The following NAA30 variants were observed in gnomAD, a reference collection of about 807,000 sequenced individuals.
NAA30 encodes the protein N-alpha-acetyltransferase 30, NatC catalytic subunit, also known as N-alpha-acetyltransferase 30.
Under a neutral mutation model 31.4 loss-of-function variants are expected in NAA30, and 5 were observed. The ratio of observed to expected loss-of-function variants is 0.16; its 90% CI spans 0.08 to 0.33. NAA30 has a LOEUF of 0.33. Ranked by LOEUF, NAA30 falls within the 10% of genes least tolerant of loss-of-function variation. NAA30 has a pLI of 1.00. For synonymous variants in NAA30, 222 were observed against 207.1 expected, an observed-to-expected ratio of 1.07 and a Z score of -0.62; for missense variants, 428 against 490.8, an observed-to-expected ratio of 0.87 and a Z score of 1.21.
intron 4 of NAA30, among the ~76,000 whole-genome samples, chr14:57,400,927 C>A (rs775069555): frequency 2.7e-5 from 4 of 147,200 alleles, no homozygotes; most frequent in Admixed American, 6.8e-5. Flanking sequence ...AGATGGGAGT[C>A]TTGCTATGTT....
At chr14:57,398,265 C>CT (rs1026934216) in intron 3 of NAA30, among the ~76,000 whole-genome samples, 10 of 152,014 alleles carry the variant, frequency 6.6e-5, no homozygotes, top group Non-Finnish European at 8.8e-5. Flanking sequence ...GTTTTATGGA[C>CT]TAAGTTTGAG....
chr14:57,408,578 C>T (rs187574919), intron 4 of NAA30, among the ~76,000 whole-genome samples: 137 of 152,336 alleles, frequency 9.0e-4, no homozygotes, highest in African/African-American at 3.1e-3. Flanking sequence ...AATGCAGATT[C>T]TTGTGTCCTA....
intron 4 of NAA30, among the ~76,000 whole-genome samples, chr14:57,402,440 G>A (rs1175976477): frequency 1.3e-5 from 2 of 152,208 alleles, no homozygotes; most frequent in African/African-American, 4.8e-5. Context: ...GATCAGTTCT[G>A]TGCTTCCAGC....
rs1436638184 is a variant in NAA30 at position 57,391,641 on chromosome 14, G to T, written c.684G>T (p.Met228Ile). ...CCGAGCTACAAATGCCCGATATCATGAGACTGATCACCAAAGATCTGTCCG... is the reference window on the plus strand; with the variant it reads ...CCGAGCTACAAATGCCCGATATCATTAGACTGATCACCAAAGATCTGTCCG... ...YESELQMPDI[M>I]RLITKDLSEP... The change falls in exon 2 of 5, where the codon ATG becomes ATT. Residue 228 changes from methionine to isoleucine, a missense_variant. By Grantham distance (10) the Met-to-Ile change is conservative. This residue lies in a region of NAA30 where 79 missense variants were observed against 180.3 expected (regional missense o/e 0.44). Transcript: ENST00000556492. This position sits in a 1 kb window ranked among gnomAD's most constrained non-coding sequence, Gnocchi z 4.1. 2.5e-6 allele frequency: 4 copies of T among 1,614,204 alleles called. No individual in the cohort carries two copies. Among genetic ancestry groups the T allele is most frequent in the Non-Finnish European group, 3.4e-6 (4 of 1,180,036 alleles).
intron 3 of NAA30, 125 bp downstream of exon 3, chr14:57,397,000 G>A (rs367703954): frequency 6.1e-5 from 53 of 873,110 alleles, no homozygotes; most frequent in African/African-American, 3.6e-4. Flanking sequence ...AAATTAAGGC[G>A]GGTTTTAATT....
At chr14:57,390,900 C>T in intron 1 of NAA30, 57 bp from the exon 2 acceptor site, 1 of 1,447,164 alleles carries the variant, frequency 6.9e-7, no homozygotes, top group Non-Finnish European at 9.1e-7. Context: ...GCCCCCTGTT[C>T]TCCGCGCTCC....
At position 57,410,031 on chromosome 14, in the gene NAA30, A is replaced by C. The variant is rs2066516663; in HGVS notation, c.*515A>C. On this transcript the variant is annotated 3_prime_UTR_variant, in exon 5 of 5. Coordinates refer to ENST00000556492, the MANE Select transcript of NAA30 (RefSeq NM_001011713.3). ...ACCTCAGTGATTAGTGAATGAAAAA[A>C]ATGTAGGGTGGGTATGTCTTACAAT... is the stretch of plus-strand genomic sequence containing the variant. 1 of 152,612 alleles carries C rather than the reference A, an allele frequency of 6.6e-6. No individual in the cohort carries two copies. The highest frequency in any genetic ancestry group is 2.1e-4 in the South Asian group (1 of 4,826). 9.5% of individuals were successfully genotyped at this position (152,612 alleles called of 1,614,324 possible).
rs1426383610 is a variant in NAA30 at position 57,391,863 on chromosome 14, T to C, written c.771+135T>C. The C allele has an allele frequency of 2.8e-6, 2 of 707,514 alleles. No individual in the cohort carries two copies. The highest frequency in any genetic ancestry group is 4.7e-6 in the Non-Finnish European group (2 of 421,386). 43.8% of individuals were successfully genotyped at this position (707,514 alleles called of 1,614,324 possible). A position where few individuals can be genotyped will look rare whatever the true frequency, so the allele number is the denominator to read the frequency against. On this transcript the variant is annotated intron_variant, in intron 2 of 4. Transcript: ENST00000556492. The surrounding 1 kb of genome is among the most constrained non-coding windows in gnomAD (Gnocchi z 4.1). Reference sequence around the variant, plus strand: ...GTACGTTATATGATGTCAAGTGCTGTACACATTCCTAGTTATTTAATGAAA... The same window carrying C: ...GTACGTTATATGATGTCAAGTGCTGCACACATTCCTAGTTATTTAATGAAA...
At chr14:57,406,648 A>C (rs1467502297) in intron 4 of NAA30, among the ~76,000 whole-genome samples, 1 of 152,182 alleles carries the variant, frequency 6.6e-6, no homozygotes, top group Non-Finnish European at 1.5e-5. Flanking sequence ...TAAAATTGTC[A>C]CTTTTTATTT....
In NAA30 at chr14:57,411,723, A is replaced by T. The variant is rs1426531878; in HGVS notation, c.*2207A>T. ...TATGTTGAATGTCAGTGTATGCCTT[A>T]TGTCTTTAATTGGGTATGCAAAAAA... On this transcript the variant is annotated 3_prime_UTR_variant, in exon 5 of 5. Coordinates refer to ENST00000556492, the MANE Select transcript of NAA30 (RefSeq NM_001011713.3). 1 of 152,150 alleles carries T rather than the reference A, an allele frequency of 6.6e-6. No homozygotes were observed. The highest frequency in any genetic ancestry group is 2.4e-5 in the African/African-American group (1 of 41,444). The allele number at this position is 152,150 out of a possible 1,614,324, so 9.4% of individuals were successfully genotyped here.
chr14:57,391,412 G>C lies in NAA30; in HGVS notation c.455G>C (p.Ser152Thr). ...AGTAATGCAAGAACTGCGGTCCCCAGCCCGGTGGAGGCAGCGGCGGCGAGC... is the reference window on the plus strand; with the variant it reads ...AGTAATGCAAGAACTGCGGTCCCCACCCCGGTGGAGGCAGCGGCGGCGAGC... ...LSSNARTAVP[S>T]PVEAAAASDP... The change falls in exon 2 of 5, where the codon AGC (serine) becomes ACC (threonine). Residue 152 changes from serine (S) to threonine (T), a missense_variant. By Grantham distance (58) the Ser-to-Thr change is moderately conservative. Transcript: ENST00000556492. This position sits in a 1 kb window ranked among gnomAD's most constrained non-coding sequence, Gnocchi z 4.1. 2 of 1,607,466 alleles carry C rather than the reference G, an allele frequency of 1.2e-6. No individual in the cohort carries two copies. Among genetic ancestry groups the C allele is most frequent in the Non-Finnish European group, 1.7e-6 (2 of 1,177,066 alleles).
rs1001250727 is a variant in NAA30, at chr14:57,391,902, A to G, written c.771+174A>G. On this transcript the variant is annotated intron_variant, in intron 2 of 4. Coordinates refer to ENST00000556492, the MANE Select transcript of NAA30 (RefSeq NM_001011713.3). This position sits in a 1 kb window ranked among gnomAD's most constrained non-coding sequence, Gnocchi z 4.1. Reference sequence around the variant, plus strand: ...TATTTAATGAAATTGTTTTGAAGGTAAGACTTCATGATTCGGGTTAACGTG... The same window carrying G: ...TATTTAATGAAATTGTTTTGAAGGTGAGACTTCATGATTCGGGTTAACGTG... Among the ~76,000 whole-genome samples, 2 of 152,220 alleles carry G rather than the reference A, an allele frequency of 1.3e-5. No homozygotes were observed. The highest frequency in any genetic ancestry group is 1.5e-5 in the Non-Finnish European group (1 of 68,038).
rs2066535841 is a variant in NAA30 at position 57,413,974 on chromosome 14, T to G, written c.*4458T>G. On this transcript the variant is annotated 3_prime_UTR_variant, in exon 5 of 5. Coordinates refer to ENST00000556492, the MANE Select transcript of NAA30 (RefSeq NM_001011713.3). ...ATGTGTAGCTACTGAGCCCCTGAAG[T>G]GTGGGTGGGATGATTGAGCTGAATT... 1 of 152,156 alleles carries G rather than the reference T, an allele frequency of 6.6e-6. No individual in the cohort carries two copies. The highest frequency in any genetic ancestry group is 2.4e-5 in the African/African-American group (1 of 41,422). 9.4% of individuals were successfully genotyped at this position (152,156 alleles called of 1,614,324 possible).
chr14:57,395,900 G>A (rs899275743), intron 2 of NAA30, among the ~76,000 whole-genome samples: 1 of 151,724 alleles, frequency 6.6e-6, no homozygotes, highest in Non-Finnish European at 1.5e-5. Context: ...TTTTTTTCCT[G>A]ATCGAAATCT....
rs899741248 is a variant in NAA30, at chr14:57,412,943, T to G, written c.*3427T>G. The G allele has an allele frequency of 6.6e-6, 1 of 152,218 alleles. No individual in the cohort carries two copies. Among genetic ancestry groups the G allele is most frequent in the African/African-American group, 2.4e-5 (1 of 41,460 alleles). The allele number at this position is 152,218 out of a possible 1,614,324, so 9.4% of individuals were successfully genotyped here. A position where few individuals can be genotyped will look rare whatever the true frequency, so the allele number is the denominator to read the frequency against. On this transcript the variant is annotated 3_prime_UTR_variant, in exon 5 of 5. Transcript: ENST00000556492. ...TGACAAAGTAAATTTGAAAATAACA[T>G]GAACTTGATTTTTCTAAAAGTACTC...
chr14:57,390,866 C>T (rs536756010), intron 1 of NAA30, 91 bp from the exon 2 acceptor site: 3 of 1,337,170 alleles, frequency 2.2e-6, no homozygotes, highest in East Asian at 2.8e-5. Context: ...TTGTTCCCCC[C>T]ACCTCGGCCG....
intron 4 of NAA30, among the ~76,000 whole-genome samples, chr14:57,407,240 T>C (rs941141464): frequency 4.6e-5 from 7 of 152,166 alleles, no homozygotes; most frequent in Non-Finnish European, 8.8e-5. Context: ...CTTAAACCAA[T>C]TTGTTTGCTG....
chr14:57,398,521 G>A (rs1390382616), intron 3 of NAA30, among the ~76,000 whole-genome samples: 3 of 152,102 alleles, frequency 2.0e-5, no homozygotes, highest in Admixed American at 6.6e-5. Flanking sequence ...GCAGTGGTGT[G>A]ATCCCGGCTC....
chr14:57,391,395 A>G lies in NAA30; in HGVS notation c.438A>G (p.Ala146=). The stretch of plus-strand genomic sequence containing the variant: ...CCCCTCACTCCCTCTCTAGTAATGC[A>G]AGAACTGCGGTCCCCAGCCCGGTGG... ...ERPPHSLSSN[A]RTAVPSPVEA... Residue 146 remains alanine, a synonymous_variant, in exon 2 of 5, where the codon GCA becomes GCG. Transcript: ENST00000556492. The surrounding 1 kb of genome is among the most constrained non-coding windows in gnomAD (Gnocchi z 4.1). 6.2e-7 allele frequency: 1 copy of G among 1,608,972 alleles called. No homozygotes were observed. The highest frequency in any genetic ancestry group is 8.5e-7 in the Non-Finnish European group (1 of 1,177,910).
Sources: allele counts gnomAD v4.1 joint callset (sites outside exome capture counted in the v4.1 genomes callset), GRCh38; gene constraint gnomAD v4.1.1; regional missense constraint gnomAD v4.1.1; non-coding constraint Gnocchi (gnomAD v3.1); transcripts MANE v1.5; gene names NCBI Gene and HGNC (gene_info 2026-07-23, HGNC 2026-07-21).